NRP2: variants seen among roughly 807,000 people sequenced by gnomAD.
NRP2 encodes neuropilin 2.
Under a neutral mutation model 110.4 loss-of-function variants are expected in NRP2, and 52 were observed. The ratio of observed to expected loss-of-function variants is 0.47; its 90% CI spans 0.38 to 0.59. The LOEUF is 0.59. Among genes scored for constraint, NRP2 ranks in the 20% least tolerant of loss-of-function variants. The pLI is 0.00. For synonymous variants in NRP2, 508 were observed against 468.9 expected (o/e 1.08, Z -1.08); for missense variants, 1,049 against 1,203.0 (o/e 0.87, Z 1.89).
Position 205,796,332 on chromosome 2 carries a change from G to C in NRP2, c.*1274G>C, listed in dbSNP as rs553026198. On this transcript the variant is annotated 3_prime_UTR_variant, in exon 17 of 17. Transcript: ENST00000357785. ...AAGAACTGATTCTAACCAGAAGTCC[G>C]CAAGTACTGTGGACAAGAATGCTTA... The C allele has an allele frequency of 6.6e-6, 1 of 152,512 alleles. No homozygotes were observed. Among genetic ancestry groups the C allele is most frequent in the Non-Finnish European group, 1.5e-5 (1 of 68,046 alleles). 9.4% of individuals were successfully genotyped at this position (152,512 alleles called of 1,614,324 possible). A position where few individuals can be genotyped will look rare whatever the true frequency, so the allele number is the denominator to read the frequency against.
chr2:205,784,591 G>T (rs1181472967), intron 15 of NRP2, among the ~76,000 whole-genome samples: 1 of 152,144 alleles, frequency 6.6e-6, no homozygotes, highest in Non-Finnish European at 1.5e-5. Flanking sequence ...AGTGTTTACA[G>T]GGGTCCTGGG....
rs77589304 is a variant in NRP2, at chr2:205,740,284, T to C, written c.1147-235T>C. On this transcript the variant is annotated intron_variant, in intron 7 of 16. Coordinates refer to ENST00000357785, the MANE Select transcript of NRP2 (RefSeq NM_003872.3). ...TCTCAGCCTGGAGGCAAAATTTTCC[T>C]TCCCTCTAAAAGTTTCTGGGAAGAC... Among the ~76,000 whole-genome samples the C allele has an allele frequency of 2.6e-3, 392 of 152,334 alleles. 1 individual carries two copies. Among genetic ancestry groups the C allele is most frequent in the African/African-American group, 9.0e-3 (376 of 41,588 alleles).
At chr2:205,789,158 G>A (rs1470335545) in intron 15 of NRP2, among the ~76,000 whole-genome samples, 3 of 152,218 alleles carry the variant, frequency 2.0e-5, no homozygotes, top group Non-Finnish European at 4.4e-5. Flanking sequence ...GAAGGGGGCA[G>A]TAGGGATATG....
chr2:205,726,132 G>A (rs1365785059), intron 6 of NRP2, 50 bp downstream of exon 6: 2 of 1,590,378 alleles, frequency 1.3e-6, no homozygotes, highest in East Asian at 2.2e-5. Flanking sequence ...TATTGCTGGG[G>A]TAGGAGGGTA....
chr2:205,796,926 C>T lies in NRP2; in HGVS notation c.*1868C>T, dbSNP rs1271354352. On this transcript the variant is annotated 3_prime_UTR_variant, in exon 17 of 17. Transcript: ENST00000357785. ...AAAGGGGAAGGGTGAATGGGACTGG[C>T]TGGTTCCTTTAAATGTTAACTTATG... 4 of 152,662 alleles carry T rather than the reference C, an allele frequency of 2.6e-5. No individual in the cohort carries two copies. The highest frequency in any genetic ancestry group is 9.7e-5 in the African/African-American group (4 of 41,446). 9.5% of individuals were successfully genotyped at this position (152,662 alleles called of 1,614,324 possible). A position where few individuals can be genotyped will look rare whatever the true frequency, so the allele number is the denominator to read the frequency against.
chr2:205,740,456 T>A (rs849575), intron 7 of NRP2, 63 bp from the exon 8 acceptor site: 1 of 1,586,022 alleles, frequency 6.3e-7, no homozygotes, highest in African/African-American at 1.3e-5. Context: ...CTTCAAAGAC[T>A]GCTCAAGTGG....
intron 1 of NRP2, among the ~76,000 whole-genome samples, chr2:205,693,828 A>T (rs1262984618): frequency 2.0e-5 from 3 of 152,164 alleles, no homozygotes; most frequent in South Asian, 2.1e-4. Flanking sequence ...AAAGCGAGGG[A>T]TCTGATTGGT....
chr2:205,786,421 G>C (rs1231813284), intron 15 of NRP2, among the ~76,000 whole-genome samples: 1 of 152,150 alleles, frequency 6.6e-6, no homozygotes, highest in Non-Finnish European at 1.5e-5. Flanking sequence ...GTTCAACAAA[G>C]GCACTAAGTG....
At chr2:205,720,159 G>T (rs2056980989) in intron 3 of NRP2, among the ~76,000 whole-genome samples, 1 of 151,758 alleles carries the variant, frequency 6.6e-6, no homozygotes, top group Non-Finnish European at 1.5e-5. Context: ...TTATTTTTCT[G>T]CATAAAAATA....
At chr2:205,782,882 A>G (rs983011348) in intron 15 of NRP2, among the ~76,000 whole-genome samples, 10 of 151,996 alleles carry the variant, frequency 6.6e-5, no homozygotes, top group African/African-American at 2.4e-4. Context: ...TATTATAAAC[A>G]ATACTGCAAT....
intron 3 of NRP2, chr2:205,722,222 C>T (rs1419374839): frequency 4.3e-6 from 2 of 460,884 alleles, no homozygotes; most frequent in Non-Finnish European, 8.0e-6. Flanking sequence ...CTTCTCTGTA[C>T]CTCCACCCCA....
intron 11 of NRP2, among the ~76,000 whole-genome samples, chr2:205,751,509 A>G (rs1365258419): frequency 6.6e-6 from 1 of 152,200 alleles, no homozygotes; most frequent in Admixed American, 6.5e-5. Context: ...TCCAAGCCAC[A>G]GGTTGATGCT....
intron 16 of NRP2, among the ~76,000 whole-genome samples, chr2:205,794,166 A>T (rs532976162): frequency 1.1e-3 from 175 of 152,282 alleles, no homozygotes; most frequent in African/African-American, 3.9e-3. Context: ...GCTGGAGTGC[A>T]GTGGCGCAAT....
At chr2:205,721,812 C>A (rs1290658005) in intron 3 of NRP2, among the ~76,000 whole-genome samples, 2 of 152,202 alleles carry the variant, frequency 1.3e-5, no homozygotes, top group African/African-American at 4.8e-5. Context: ...ACATCCCCAA[C>A]GGCCTGCTGT....
At chr2:205,731,240 T>C (rs1030375388) in intron 7 of NRP2, among the ~76,000 whole-genome samples, 1 of 152,246 alleles carries the variant, frequency 6.6e-6, no homozygotes, top group African/African-American at 2.4e-5. Context: ...CAAATTGCTT[T>C]GCATACATTT....
At chr2:205,780,544 G>T (rs2058162325) in intron 15 of NRP2, among the ~76,000 whole-genome samples, 1 of 152,178 alleles carries the variant, frequency 6.6e-6, no homozygotes, top group Admixed American at 6.5e-5. Context: ...CTAGATAGTG[G>T]TCAAGAAGAG....
intron 3 of NRP2, among the ~76,000 whole-genome samples, chr2:205,719,878 G>A (rs907310154): frequency 3.9e-5 from 6 of 152,138 alleles, no homozygotes; most frequent in Non-Finnish European, 5.9e-5. Flanking sequence ...GAAATCATTC[G>A]CTGCAACCCA....
intron 7 of NRP2, among the ~76,000 whole-genome samples, chr2:205,737,957 G>A (rs765564841): frequency 7.2e-5 from 11 of 152,174 alleles, no homozygotes; most frequent in Non-Finnish European, 1.6e-4. Flanking sequence ...GCCCATGTGA[G>A]CCACACTCAT....
At position 205,683,013 on chromosome 2, in the gene NRP2, A is replaced by G. The variant is rs567536266; in HGVS notation, c.-278A>G. On this transcript the variant is annotated 5_prime_UTR_variant, in exon 1 of 17. Coordinates refer to ENST00000357785, the MANE Select transcript of NRP2 (RefSeq NM_003872.3). Reference sequence around the variant, plus strand: ...AGGAAATGACACTTTGAGGAACTGGAGAGAACATATATGCGTTTTGTTTTT... The same window carrying G: ...AGGAAATGACACTTTGAGGAACTGGGGAGAACATATATGCGTTTTGTTTTT... 9.3e-5 allele frequency: 42 copies of G among 451,790 alleles called. No individual in the cohort carries two copies. In the South Asian group the frequency reaches 9.9e-4, roughly 11 times the overall value. 28.0% of individuals were successfully genotyped at this position (451,790 alleles called of 1,614,324 possible).
Sources: allele counts gnomAD v4.1 joint callset (sites outside exome capture counted in the v4.1 genomes callset), GRCh38; gene constraint gnomAD v4.1.1; transcripts MANE v1.5; gene names NCBI Gene and HGNC (gene_info 2026-07-23, HGNC 2026-07-21).